The following SLC41A2 variants were observed in gnomAD, a reference collection of about 807,000 sequenced individuals.
SLC41A2 encodes the protein SLC41A1-like 1.
A neutral mutation model predicts 58.3 loss-of-function variants in SLC41A2; 32 were observed. The observed-to-expected ratio is 0.55, with a 90% CI of 0.41 to 0.74. The LOEUF (loss-of-function observed/expected upper bound fraction) is 0.74, where lower values mean the gene tolerates loss of function less well. Among genes scored for constraint, SLC41A2 ranks in the 30% least tolerant of loss-of-function variants. The pLI is 0.00. For synonymous variants in SLC41A2, 190 were observed against 235.0 expected, an observed-to-expected ratio of 0.81 and a Z score of 1.75; for missense variants, 514 against 680.6, an observed-to-expected ratio of 0.76 and a Z score of 2.72.
At chr12:104,920,925 AAAAAT>A (rs959955665) in intron 2 of SLC41A2, among the ~76,000 whole-genome samples, 2 of 151,540 alleles carry the variant, frequency 1.3e-5, no homozygotes, top group African/African-American at 2.4e-5. Context: ...CTCTGTCTCA[AAAAAT>A]AAAATAAAAT....
Position 104,817,556 on chromosome 12 carries a change from T to C in SLC41A2, c.1537-12219A>G, listed in dbSNP as rs886361146. ...TTTCCTTCTTTATATCGTTATCCTA[T>C]AGGCTTTTTCCTATTTTTATTTTTT... On this transcript the variant is annotated intron_variant, in intron 10 of 10. Transcript: ENST00000258538. Among the ~76,000 whole-genome samples, 68 of 152,232 alleles carry C rather than the reference T, an allele frequency of 4.5e-4. 1 individual carries two copies. The highest frequency in any genetic ancestry group is 1.3e-3 in the African/African-American group (56 of 41,558).
At chr12:104,871,038 C>T (rs148112375) in intron 6 of SLC41A2, among the ~76,000 whole-genome samples, 1 of 152,268 alleles carries the variant, frequency 6.6e-6, no homozygotes, top group African/African-American at 2.4e-5. Context: ...CTAGAATGGT[C>T]TGTAAATAAC....
chr12:104,901,890 TTA>T (rs1322266580), intron 3 of SLC41A2, among the ~76,000 whole-genome samples: 1 of 152,216 alleles, frequency 6.6e-6, no homozygotes, highest in Non-Finnish European at 1.5e-5. Flanking sequence ...TTATGATATC[TTA>T]TGTTTTAAGT....
chr12:104,943,683 C>T (rs7968763), intron 1 of SLC41A2, among the ~76,000 whole-genome samples: 44,578 of 152,036 alleles, frequency 0.29, 7,178 homozygotes, highest in South Asian at 0.5. Flanking sequence ...CCAACCTCTC[C>T]AACAGTACTT....
At chr12:104,838,735 GA>G (rs1227737077) in intron 10 of SLC41A2, among the ~76,000 whole-genome samples, 1 of 152,114 alleles carries the variant, frequency 6.6e-6, no homozygotes, top group Non-Finnish European at 1.5e-5. Context: ...AGTTACAGAG[GA>G]AAAAGACTGT....
intron 8 of SLC41A2, among the ~76,000 whole-genome samples, chr12:104,848,255 T>C (rs1343367354): frequency 6.6e-6 from 1 of 152,132 alleles, no homozygotes; most frequent in Non-Finnish European, 1.5e-5. Context: ...ACAAGGAAAT[T>C]TGGAAAGTAT....
chr12:104,808,032 C>A (rs1324755947), intron 10 of SLC41A2, among the ~76,000 whole-genome samples: 2 of 152,178 alleles, frequency 1.3e-5, no homozygotes, highest in African/African-American at 2.4e-5. Context: ...TTGACTTCCT[C>A]TTTTCCTTAA....
intron 8 of SLC41A2, among the ~76,000 whole-genome samples, chr12:104,854,019 CA>C (rs2042926131): frequency 6.7e-6 from 1 of 149,194 alleles, no homozygotes; most frequent in South Asian, 2.1e-4. Flanking sequence ...CTTGGCCTCC[CA>C]AAGTGCTGGG....
chr12:104,886,562 T>C, intron 5 of SLC41A2, 123 bp from the exon 6 acceptor site: 1 of 975,014 alleles, frequency 1.0e-6, no homozygotes, highest in Non-Finnish European at 1.5e-6. Context: ...TTAGATAAGC[T>C]GACTAAAGCA....
chr12:104,877,116 T>C (rs1169884984), intron 6 of SLC41A2, among the ~76,000 whole-genome samples: 1 of 152,230 alleles, frequency 6.6e-6, no homozygotes, highest in African/African-American at 2.4e-5. Context: ...TTTTTATCTC[T>C]AAAGACTGCT....
intron 10 of SLC41A2, among the ~76,000 whole-genome samples, chr12:104,844,210 G>T (rs1294672522): frequency 6.6e-6 from 1 of 151,974 alleles, no homozygotes; most frequent in East Asian, 1.9e-4. Flanking sequence ...TAGCTCCATG[G>T]GAAAGAAAAT....
chr12:104,862,390 TA>T (rs1465050833), intron 7 of SLC41A2, among the ~76,000 whole-genome samples: 4 of 152,190 alleles, frequency 2.6e-5, no homozygotes, highest in Non-Finnish European at 4.4e-5. Context: ...ATTAAAAGAA[TA>T]AAGTACATAC....
At chr12:104,811,912 T>A (rs926667134) in intron 10 of SLC41A2, among the ~76,000 whole-genome samples, 2 of 152,234 alleles carry the variant, frequency 1.3e-5, no homozygotes, top group Non-Finnish European at 2.9e-5. Context: ...TGTGTAGAGC[T>A]AGCTCCACAT....
At chr12:104,842,684 G>A (rs2042456571) in intron 10 of SLC41A2, among the ~76,000 whole-genome samples, 1 of 152,016 alleles carries the variant, frequency 6.6e-6, no homozygotes, top group Non-Finnish European at 1.5e-5. Flanking sequence ...CTCCATTCTA[G>A]TTATTCAGCT....
chr12:104,924,967 A>C (rs191376683), intron 2 of SLC41A2, among the ~76,000 whole-genome samples: 155 of 152,232 alleles, frequency 1.0e-3, no homozygotes, highest in Non-Finnish European at 2.0e-3. Flanking sequence ...GTCAAGTAAA[A>C]CCAAACTATG....
intron 10 of SLC41A2, among the ~76,000 whole-genome samples, chr12:104,841,670 T>C (rs1011231010): frequency 6.6e-6 from 1 of 152,090 alleles, no homozygotes; most frequent in African/African-American, 2.4e-5. Context: ...AGATGACATC[T>C]GAGTAAATGC....
chr12:104,806,410 C>A (rs2136183631), intron 10 of SLC41A2, among the ~76,000 whole-genome samples: 1 of 152,274 alleles, frequency 6.6e-6, no homozygotes, highest in Admixed American at 6.5e-5. Context: ...TTTTTTATGG[C>A]TGCATAGTAT....
intron 7 of SLC41A2, among the ~76,000 whole-genome samples, chr12:104,862,162 C>A (rs2043237637): frequency 6.6e-6 from 1 of 152,168 alleles, no homozygotes; most frequent in African/African-American, 2.4e-5. Context: ...AAATGAACTA[C>A]ATGCTGTCAC....
intron 7 of SLC41A2, 63 bp downstream of exon 7, chr12:104,866,369 G>T: frequency 1.4e-6 from 2 of 1,380,364 alleles, no homozygotes; most frequent in Non-Finnish European, 1.9e-6. Context: ...GACACACAAA[G>T]ACAGACAGAC....
Sources: gnomAD v4.1 joint callset for allele counts (sites outside exome capture counted in the v4.1 genomes callset) on GRCh38, gnomAD v4.1.1 for gene constraint, MANE v1.5 for transcripts, NCBI Gene and HGNC (gene_info 2026-07-23, HGNC 2026-07-21) for gene names.